The following NDUFAF6 variants were observed in gnomAD, a reference collection of about 807,000 sequenced individuals.
NDUFAF6 encodes the protein NADH dehydrogenase (ubiquinone) complex I, assembly factor 6.
In NDUFAF6, 45 loss-of-function variants were observed where a neutral mutation model predicts 40.8. That is an observed-to-expected ratio of 1.10 (90% CI 0.87 to 1.42). The LOEUF is 1.42. Ranked by LOEUF, NDUFAF6 falls within the 40% of genes most tolerant of loss-of-function variation. NDUFAF6 has a pLI of 0.00. For synonymous variants in NDUFAF6, 185 were observed against 155.9 expected (o/e 1.19, Z -1.39); for missense variants, 435 against 418.5 (o/e 1.04, Z -0.34).
chr8:95,043,537 TA>T (rs537071893), intron 4 of NDUFAF6, among the ~76,000 whole-genome samples: 45 of 148,582 alleles, frequency 3.0e-4, no homozygotes, highest in East Asian at 5.9e-4. Flanking sequence ...AACTCAAGAA[TA>T]AAAAAAAAAT....
chr8:94,978,277 CAT>C (rs1356134138), intron 1 of NDUFAF6, among the ~76,000 whole-genome samples: 1 of 152,210 alleles, frequency 6.6e-6, no homozygotes, highest in Non-Finnish European at 1.5e-5. Context: ...CTACAAGGCT[CAT>C]AGAGCTTCTA....
At chr8:95,104,399 A>G (rs1306675648), downstream of NDUFAF6, among the ~76,000 whole-genome samples, 1 of 151,960 alleles carries the variant, frequency 6.6e-6, no homozygotes, top group Non-Finnish European at 1.5e-5. Context: ...ATATCTAGTC[A>G]CCTCGCTCAC....
intron 2 of NDUFAF6, among the ~76,000 whole-genome samples, chr8:95,001,337 C>T (rs1037509609): frequency 2.0e-5 from 3 of 152,188 alleles, no homozygotes; most frequent in South Asian, 4.2e-4. Context: ...TTCTGACCCC[C>T]TGGGAAATCT....
chr8:94,907,878 A>G (rs1818494744), intron 1 of NDUFAF6, among the ~76,000 whole-genome samples: 1 of 152,144 alleles, frequency 6.6e-6, no homozygotes, highest in Non-Finnish European at 1.5e-5. Context: ...CAGGCTTTCT[A>G]GTAGAATGTA....
At chr8:95,062,049 C>G (rs1166656801), downstream of NDUFAF6, among the ~76,000 whole-genome samples, 1 of 151,964 alleles carries the variant, frequency 6.6e-6, no homozygotes, top group Non-Finnish European at 1.5e-5. Context: ...CCCAGCTACT[C>G]CGGTGCCTGA....
intron 5 of NDUFAF6, among the ~76,000 whole-genome samples, chr8:95,046,770 A>G (rs1011428409): frequency 1.6e-4 from 25 of 152,222 alleles, no homozygotes; most frequent in Admixed American, 1.4e-3. Flanking sequence ...CTGTAGTCTG[A>G]GGAAAACTCT....
chr8:95,082,905 C>G (rs1252316536), intron 2 of NDUFAF6, among the ~76,000 whole-genome samples: 1 of 152,050 alleles, frequency 6.6e-6, no homozygotes, highest in African/African-American at 2.4e-5. Flanking sequence ...CGTGATCCCC[C>G]GCCTCGGCCT....
chr8:95,012,881 T>C (rs1827286610), intron 2 of NDUFAF6, among the ~76,000 whole-genome samples: 1 of 152,082 alleles, frequency 6.6e-6, no homozygotes, highest in Non-Finnish European at 1.5e-5. Context: ...ACTCCATAGA[T>C]GGTTACTGGC....
intron 2 of NDUFAF6, among the ~76,000 whole-genome samples, chr8:95,034,303 A>T (rs1829222786): frequency 6.6e-6 from 1 of 152,226 alleles, no homozygotes; most frequent in African/African-American, 2.4e-5. Context: ...GAATAAGGAT[A>T]ATCTCTTACA....
chr8:95,047,097 G>A lies in NDUFAF6; in HGVS notation c.684G>A (p.Lys228=). ...CACCATATCATGGGAGCAGAAGAAA[G>A]GTGTTCCTTCCCATGGATATTTGTA... ...RATPYHGSRR[K]VFLPMDICML... The change falls in exon 6 of 9, where the codon AAG becomes AAA. Residue 228 remains lysine, a synonymous_variant. Transcript: ENST00000396124. 3 of 1,614,154 alleles carry A rather than the reference G, an allele frequency of 1.9e-6. No homozygotes were observed. The highest frequency in any genetic ancestry group is 1.7e-6 in the Non-Finnish European group (2 of 1,180,022).
At chr8:95,055,381 G>A (rs1485667940) in intron 8 of NDUFAF6, 1 of 151,804 alleles carries the variant, frequency 6.6e-6, no homozygotes, top group Non-Finnish European at 1.5e-5. Flanking sequence ...GGGGTTTTTG[G>A]AAATGAATTT....
upstream of NDUFAF6, among the ~76,000 whole-genome samples, chr8:94,953,352 A>G (rs890395366): frequency 6.6e-6 from 1 of 151,858 alleles, no homozygotes; most frequent in African/African-American, 2.4e-5. Context: ...ATCTCAAGAA[A>G]AAAAAAAACA....
intron 1 of NDUFAF6, chr8:94,940,089 A>C (rs1821374773): frequency 1.9e-6 from 3 of 1,614,242 alleles, no homozygotes; most frequent in Non-Finnish European, 1.7e-6. Flanking sequence ...AGAAAGCAGG[A>C]ATCACTTGTA....
upstream of NDUFAF6, among the ~76,000 whole-genome samples, chr8:95,099,680 C>T (rs1172923103): frequency 6.6e-6 from 1 of 152,160 alleles, no homozygotes; most frequent in Non-Finnish European, 1.5e-5. Flanking sequence ...GCAGTAGCTT[C>T]TGGAGACTAG....
At chr8:95,100,935 C>G (rs542130922) in intron 1 of NDUFAF6, among the ~76,000 whole-genome samples, 2 of 152,164 alleles carry the variant, frequency 1.3e-5, no homozygotes, top group Non-Finnish European at 2.9e-5. Context: ...GGAATAGAAT[C>G]AGTGTTGGCT....
chr8:94,916,174 C>T (rs1002162515), intron 1 of NDUFAF6, among the ~76,000 whole-genome samples: 4 of 152,116 alleles, frequency 2.6e-5, no homozygotes, highest in African/African-American at 4.8e-5. Flanking sequence ...AAGAAAAAAA[C>T]GAAGTTCATG....
At chr8:94,997,325 CACACACACACACACACACAGAGAG>C (rs1196125579) in intron 2 of NDUFAF6, among the ~76,000 whole-genome samples, 7 of 138,852 alleles carry the variant, frequency 5.0e-5, no homozygotes, top group Non-Finnish European at 9.4e-5. Context: ...CACACACACA[CACACACACACACACACACAGAGAG>C]AGAGAGAGAG....
intron 1 of NDUFAF6, among the ~76,000 whole-genome samples, chr8:94,937,872 T>C (rs1197165945): frequency 6.6e-6 from 1 of 152,200 alleles, no homozygotes; most frequent in African/African-American, 2.4e-5. Flanking sequence ...TTTGTACCTA[T>C]GTCACCTTAC....
At chr8:94,935,168 GATA>G (rs1162739829) in intron 1 of NDUFAF6, among the ~76,000 whole-genome samples, 38 of 151,416 alleles carry the variant, frequency 2.5e-4, no homozygotes, top group African/African-American at 9.0e-4. Context: ...TAGATAGATA[GATA>G]GATATAATAC....
Sources: allele counts gnomAD v4.1 joint callset (sites outside exome capture counted in the v4.1 genomes callset), GRCh38; gene constraint gnomAD v4.1.1; transcripts MANE v1.5; gene names NCBI Gene and HGNC (gene_info 2026-07-23, HGNC 2026-07-21).